ATRX: variants seen among roughly 807,000 people sequenced by gnomAD.
The protein encoded by ATRX is chromatin remodeler ATRX.
In ATRX, 12 loss-of-function variants were observed where a neutral mutation model predicts 172.6. The observed-to-expected ratio is 0.07, with a 90% CI of 0.04 to 0.11. The LOEUF (loss-of-function observed/expected upper bound fraction) is 0.11. Among genes scored for constraint, ATRX ranks in the 10% least tolerant of loss-of-function variants. The probability of loss-of-function intolerance (pLI) is 1.00; values close to 1 mark genes in which losing one functional copy is unlikely to be tolerated. For missense variants in ATRX, 1,368 were observed against 1,767.4 expected, an observed-to-expected ratio of 0.77 and a Z score of 4.05; for synonymous variants, 674 against 594.7, an observed-to-expected ratio of 1.13 and a Z score of -1.94.
At chrX:77,721,293 T>G (rs1423459615) in intron 1 of ATRX, among the ~76,000 whole-genome samples, 1 of 111,400 alleles carries the variant, frequency 9.0e-6, no homozygotes, top group Non-Finnish European at 1.9e-5. Flanking sequence ...CTCTCACCAC[T>G]CCTATTCAAC....
chrX:77,705,991 T>A (rs904233944), intron 2 of ATRX, among the ~76,000 whole-genome samples: 34 of 109,846 alleles, frequency 3.1e-4, no homozygotes, highest in African/African-American at 8.0e-4. Context: ...ATTTTTTTTT[T>A]AATTTTTTTT....
chrX:77,698,394 C>T (rs1489201575), intron 3 of ATRX, among the ~76,000 whole-genome samples, 180 bp downstream of exon 3: 1 of 111,454 alleles, frequency 9.0e-6, no homozygotes, highest in African/African-American at 3.3e-5. Context: ...TGAAGTGAAC[C>T]ACAACAATAA....
Position 77,786,150 on chromosome X carries a change from C to G in ATRX, c.-149G>C. The stretch of plus-strand genomic sequence containing the variant: ...CCCCACAGCTCAAAGGCCGCTACCA[C>G]TGCCACCGCCGCAGGAGCCGCGGAA... On this transcript the variant is annotated 5_prime_UTR_variant, in exon 1 of 35. Coordinates refer to ENST00000373344, the MANE Select transcript of ATRX (RefSeq NM_000489.6). 1.7e-5 allele frequency: 11 copies of G among 628,629 alleles called. No individual in the cohort carries two copies. Among genetic ancestry groups the G allele is most frequent in the Non-Finnish European group, 2.3e-5 (10 of 426,878 alleles). 51.8% of individuals were successfully genotyped at this position (628,629 alleles called of 1,213,427 possible). A position where few individuals can be genotyped will look rare whatever the true frequency, so the allele number is the denominator to read the frequency against.
At chrX:77,645,623 G>A (rs1465988659) in intron 15 of ATRX, among the ~76,000 whole-genome samples, 1 of 111,962 alleles carries the variant, frequency 8.9e-6, no homozygotes, top group African/African-American at 3.2e-5. Flanking sequence ...AAGAAATAAA[G>A]ATCTCCTAGA....
At chrX:77,607,116 TACTGGA>T (rs2066941181) in intron 22 of ATRX, among the ~76,000 whole-genome samples, 1 of 111,930 alleles carries the variant, frequency 8.9e-6, no homozygotes, top group South Asian at 3.7e-4. Context: ...TTCAACATCA[TACTGGA>T]AGTCCTAGTA....
rs192134486 is a variant in ATRX, at chrX:77,744,945, G to A, written c.21-27702C>T. On this transcript the variant is annotated intron_variant, in intron 1 of 34. Transcript: ENST00000373344. Reference sequence around the variant, plus strand: ...GAGGAGGCAGAGGTTGCAGTGAGCCGAGATCGCACCACTGCACTCCAGCCT... The same window carrying A: ...GAGGAGGCAGAGGTTGCAGTGAGCCAAGATCGCACCACTGCACTCCAGCCT... 5.5e-4 allele frequency among the ~76,000 whole-genome samples: 60 copies of A among 108,514 alleles called. 1 individual carries two copies. Among genetic ancestry groups the A allele is most frequent in the African/African-American group, 1.2e-3 (37 of 29,773 alleles). 94.2% of individuals were successfully genotyped at this position (108,514 alleles called of 115,157 possible).
chrX:77,525,447 T>C (rs1557043362), intron 30 of ATRX, among the ~76,000 whole-genome samples: 2 of 112,151 alleles, frequency 1.8e-5, no homozygotes, highest in Non-Finnish European at 3.8e-5. Flanking sequence ...TGACTTAACA[T>C]TTTTAACACA....
chrX:77,641,513 G>A (rs781939258), intron 15 of ATRX, among the ~76,000 whole-genome samples: 45 of 107,640 alleles, frequency 4.2e-4, no homozygotes, highest in Non-Finnish European at 6.0e-4. Context: ...CCCAGGAGGC[G>A]GAGGTTCCAG....
chrX:77,648,269 T>C (rs2069017131), intron 15 of ATRX, among the ~76,000 whole-genome samples: 1 of 111,494 alleles, frequency 9.0e-6, no homozygotes, highest in African/African-American at 3.3e-5. Flanking sequence ...CAATATAATC[T>C]GATCAAAATT....
At chrX:77,511,894 G>A (rs375409260) in intron 34 of ATRX, among the ~76,000 whole-genome samples, 1 of 111,464 alleles carries the variant, frequency 9.0e-6, no homozygotes, top group Non-Finnish European at 1.9e-5. Flanking sequence ...ACAGATAGGG[G>A]TATAAAGTTT....
intron 15 of ATRX, among the ~76,000 whole-genome samples, chrX:77,637,491 T>C (rs782547520): frequency 9.0e-6 from 1 of 111,373 alleles, no homozygotes; most frequent in South Asian, 3.8e-4. Context: ...CATACGACTA[T>C]TGAGTATCAT....
At chrX:77,767,368 T>C (rs1235141453) in intron 1 of ATRX, among the ~76,000 whole-genome samples, 12 of 110,621 alleles carry the variant, frequency 1.1e-4, no homozygotes, top group African/African-American at 3.9e-4. Context: ...AATTTGCTTC[T>C]GGAAAAGACC....
At chrX:77,594,884 G>A (rs2066418087) in intron 25 of ATRX, 1 of 111,781 alleles carries the variant, frequency 8.9e-6, no homozygotes, top group African/African-American at 3.3e-5. Context: ...ATTTACTCAT[G>A]CTTGACATGG....
At chrX:77,736,100 A>G (rs1033782713) in intron 1 of ATRX, among the ~76,000 whole-genome samples, 1 of 111,741 alleles carries the variant, frequency 8.9e-6, no homozygotes, top group Non-Finnish European at 1.9e-5. Context: ...TAAAACTTCA[A>G]TTTATGAATC....
intron 22 of ATRX, among the ~76,000 whole-genome samples, chrX:77,603,771 T>C (rs940823118): frequency 9.0e-6 from 1 of 111,453 alleles, no homozygotes; most frequent in Non-Finnish European, 1.9e-5. Flanking sequence ...ATGGTACTGG[T>C]ATAAAAATAG....
chrX:77,782,617 G>C (rs1172103118), intron 1 of ATRX, among the ~76,000 whole-genome samples: 1 of 111,469 alleles, frequency 9.0e-6, no homozygotes, highest in Non-Finnish European at 1.9e-5. Context: ...GCCAGGTGTG[G>C]TGGCACTTGC....
chrX:77,548,970 G>A (rs1032406767), intron 30 of ATRX, among the ~76,000 whole-genome samples: 13 of 112,277 alleles, frequency 1.2e-4, no homozygotes, highest in Non-Finnish European at 3.8e-5. Context: ...TGCTGGAAAA[G>A]GGAAGTATAA....
At chrX:77,551,887 C>T (rs986943501) in intron 30 of ATRX, among the ~76,000 whole-genome samples, 8 of 112,050 alleles carry the variant, frequency 7.1e-5, no homozygotes, top group African/African-American at 2.3e-4. Context: ...CATCACTGGT[C>T]ATCAGACAAA....
intron 27 of ATRX, among the ~76,000 whole-genome samples, chrX:77,577,832 T>A (rs1435660777): frequency 9.0e-6 from 1 of 111,225 alleles, no homozygotes; most frequent in South Asian, 3.8e-4. Flanking sequence ...CCTCCCAGCA[T>A]AAACAGCAAA....
Sources: gnomAD v4.1 joint callset for allele counts (sites outside exome capture counted in the v4.1 genomes callset) on GRCh38, gnomAD v4.1.1 for gene constraint, MANE v1.5 for transcripts, NCBI Gene and HGNC (gene_info 2026-07-23, HGNC 2026-07-21) for gene names.